CPEB3: variants seen among roughly 807,000 people sequenced by gnomAD.
CPEB3 encodes the protein cytoplasmic polyadenylation element binding protein 3.
Under a neutral mutation model 67.2 loss-of-function variants are expected in CPEB3, and 20 were observed. That is an observed-to-expected ratio of 0.30 (90% CI 0.21 to 0.43). CPEB3 has a LOEUF of 0.43. Ranked by LOEUF, CPEB3 falls within the 20% of genes least tolerant of loss-of-function variation. The probability of loss-of-function intolerance (pLI) is 1.00; values close to 1 mark genes in which losing one functional copy is unlikely to be tolerated. For synonymous variants in CPEB3, 376 were observed against 393.1 expected, an observed-to-expected ratio of 0.96 and a Z score of 0.51; for missense variants, 746 against 968.6, an observed-to-expected ratio of 0.77 and a Z score of 3.05.
At chr10:92,103,904 G>A (rs1267486391) in intron 7 of CPEB3, among the ~76,000 whole-genome samples, 2 of 152,126 alleles carry the variant, frequency 1.3e-5, no homozygotes, top group African/African-American at 2.4e-5. Flanking sequence ...CTGGCATGCT[G>A]ATTACTAAAA....
intron 1 of CPEB3, among the ~76,000 whole-genome samples, chr10:92,289,718 CAAA>C (rs749285662): frequency 2.3e-4 from 7 of 30,984 alleles, no homozygotes; most frequent in Admixed American, 6.2e-4. Context: ...GCGTCTCTAC[CAAA>C]AAAAAAAAAA....
chr10:92,188,464 G>A (rs541936156), intron 3 of CPEB3, among the ~76,000 whole-genome samples: 4 of 151,838 alleles, frequency 2.6e-5, no homozygotes, highest in Non-Finnish European at 1.5e-5. Flanking sequence ...GCTCATGCCT[G>A]TAATCCCAGC....
intron 2 of CPEB3, among the ~76,000 whole-genome samples, chr10:92,221,156 T>G (rs991540662): frequency 5.9e-5 from 9 of 152,226 alleles, no homozygotes; most frequent in Non-Finnish European, 8.8e-5. Context: ...ATTTCTGAGT[T>G]ATAACTCCTG....
chr10:92,224,422 T>G (rs1564883762), intron 2 of CPEB3, among the ~76,000 whole-genome samples: 2 of 152,204 alleles, frequency 1.3e-5, no homozygotes. Flanking sequence ...CACAGAATGC[T>G]AGAATACTCT....
intron 2 of CPEB3, among the ~76,000 whole-genome samples, chr10:92,224,034 G>C (rs1424905098): frequency 1.3e-5 from 2 of 152,068 alleles, no homozygotes; most frequent in East Asian, 1.9e-4. Context: ...CAAAGTGCTG[G>C]GATTACAGGT....
intron 4 of CPEB3, among the ~76,000 whole-genome samples, chr10:92,159,623 G>C (rs560274836): frequency 4.9e-4 from 74 of 152,092 alleles, no homozygotes; most frequent in Middle Eastern, 3.4e-3. Context: ...AGTGAGCCGA[G>C]ATCATGCCAC....
rs563663898 is a variant in CPEB3 at position 92,105,838 on chromosome 10, C to T, written c.1572+5238G>A. 1.3e-4 allele frequency among the ~76,000 whole-genome samples: 20 copies of T among 151,366 alleles called. No homozygotes were observed. In the South Asian group the frequency reaches 4.2e-3, roughly 32 times the overall value. On this transcript the variant is annotated intron_variant, in intron 7 of 9. Coordinates refer to ENST00000265997, the MANE Select transcript of CPEB3 (RefSeq NM_014912.5). ...GGGTTCAAGCAATTCTGCCACAGCC[C>T]ACCAGTAGCTGGGATTACAGGCGTC...
rs1846805870 is a variant in CPEB3 at position 92,148,620 on chromosome 10, C to T, written c.1223-3535G>A. ...GATGGGACCAATTTAATCTTGTTCACCACTGTATCTTCCTGCCCTAATTAG... is the reference window on the plus strand; with the variant it reads ...GATGGGACCAATTTAATCTTGTTCATCACTGTATCTTCCTGCCCTAATTAG... On this transcript the variant is annotated intron_variant, in intron 4 of 9. Transcript: ENST00000265997. 2.6e-5 allele frequency among the ~76,000 whole-genome samples: 4 copies of T among 152,240 alleles called. No individual in the cohort carries two copies. The South Asian group carries it at 8.3e-4, about 32-fold the overall frequency.
At chr10:92,073,957 C>T (rs559531358) in intron 9 of CPEB3, among the ~76,000 whole-genome samples, 21 of 152,120 alleles carry the variant, frequency 1.4e-4, no homozygotes, top group Admixed American at 3.9e-4. Context: ...TTCTGAACAG[C>T]GAAATCTAAA....
At chr10:92,213,210 CCTT>C (rs1455809743) in intron 2 of CPEB3, among the ~76,000 whole-genome samples, 1 of 152,178 alleles carries the variant, frequency 6.6e-6, no homozygotes, top group African/African-American at 2.4e-5. Context: ...CTAAGACACT[CCTT>C]CTTCTAAGAT....
intron 4 of CPEB3, among the ~76,000 whole-genome samples, 173 bp downstream of exon 4, chr10:92,180,790 G>A (rs1301534181): frequency 6.6e-6 from 1 of 152,180 alleles, no homozygotes; most frequent in Non-Finnish European, 1.5e-5. Flanking sequence ...AAGCTCCCAA[G>A]CAATGCTGAT....
intron 4 of CPEB3, among the ~76,000 whole-genome samples, chr10:92,169,724 C>T (rs1035167406): frequency 6.6e-6 from 1 of 152,158 alleles, no homozygotes; most frequent in Non-Finnish European, 1.5e-5. Context: ...TTGTTCTTAC[C>T]CACAGACCCC....
chr10:92,279,192 T>C (rs1663710569), intron 1 of CPEB3, among the ~76,000 whole-genome samples: 1 of 152,192 alleles, frequency 6.6e-6, no homozygotes, highest in South Asian at 2.1e-4. Context: ...AGATGCACTT[T>C]ATCAAGTTGA....
intron 8 of CPEB3, among the ~76,000 whole-genome samples, chr10:92,085,306 G>A (rs12570842): frequency 3.9e-5 from 6 of 152,112 alleles, no homozygotes; most frequent in East Asian, 3.9e-4. Flanking sequence ...GGAAGATGGC[G>A]GTCTAATAGC....
chr10:92,266,792 G>C (rs1432078636), intron 1 of CPEB3, among the ~76,000 whole-genome samples: 1 of 152,184 alleles, frequency 6.6e-6, no homozygotes, highest in African/African-American at 2.4e-5. Context: ...CCAGCACTTT[G>C]GGAGGCTGAG....
At chr10:92,260,922 TA>T (rs994373929) in intron 1 of CPEB3, among the ~76,000 whole-genome samples, 2 of 152,190 alleles carry the variant, frequency 1.3e-5, no homozygotes, top group Non-Finnish European at 2.9e-5. Flanking sequence ...TGACTGTTTT[TA>T]AGATGATTAT....
intron 9 of CPEB3, among the ~76,000 whole-genome samples, chr10:92,058,906 T>C (rs1211866951): frequency 2.0e-5 from 3 of 152,166 alleles, no homozygotes; most frequent in African/African-American, 4.8e-5. Context: ...TCCTCAAGGA[T>C]AGATCATATG....
At chr10:92,116,622 CAGAT>C (rs1845043048) in intron 6 of CPEB3, among the ~76,000 whole-genome samples, 1 of 151,806 alleles carries the variant, frequency 6.6e-6, no homozygotes, top group South Asian at 2.1e-4. Flanking sequence ...GACCCAGTAA[CAGAT>C]AATATGATTA....
intron 4 of CPEB3, 38 bp from the exon 5 acceptor site, chr10:92,145,123 T>C (rs376810788): frequency 6.2e-7 from 1 of 1,608,630 alleles, no homozygotes; most frequent in Non-Finnish European, 8.5e-7. Context: ...CTGAAACAAA[T>C]GTGGGAGTTT....
Sources: allele counts gnomAD v4.1 joint callset (sites outside exome capture counted in the v4.1 genomes callset), GRCh38; gene constraint gnomAD v4.1.1; transcripts MANE v1.5; gene names NCBI Gene and HGNC (gene_info 2026-07-23, HGNC 2026-07-21).